The following CSMD1 variants were observed in gnomAD, a reference collection of about 807,000 sequenced individuals.
CSMD1 encodes the protein CUB and Sushi multiple domains 1.
A neutral mutation model predicts 417.5 loss-of-function variants in CSMD1; 213 were observed. That is an observed-to-expected ratio of 0.51 (90% CI 0.46 to 0.57). The LOEUF (loss-of-function observed/expected upper bound fraction) is 0.57. CSMD1 is among the 20% of genes least tolerant of loss of function. The pLI is 0.00. For synonymous variants in CSMD1, 2,862 were observed against 1,736.8 expected, an observed-to-expected ratio of 1.65 and a Z score of -16.11; for missense variants, 6,923 against 4,529.7, an observed-to-expected ratio of 1.53 and a Z score of -15.17.
chr8:3,093,321 C>G (rs1453378347), intron 47 of CSMD1, among the ~76,000 whole-genome samples: 2 of 152,092 alleles, frequency 1.3e-5, no homozygotes, highest in Non-Finnish European at 2.9e-5. Flanking sequence ...AGAGTCCCGC[C>G]CTTCTGACCC....
At chr8:3,385,150 AAT>A (rs1333477236) in intron 18 of CSMD1, among the ~76,000 whole-genome samples, 1 of 136,022 alleles carries the variant, frequency 7.4e-6, no homozygotes, top group East Asian at 2.0e-4. Context: ...ATAATATATA[AAT>A]ATATAATACA....
intron 17 of CSMD1, among the ~76,000 whole-genome samples, chr8:3,391,962 T>C (rs1040442690): frequency 1.3e-5 from 2 of 152,012 alleles, no homozygotes; most frequent in Non-Finnish European, 2.9e-5. Flanking sequence ...TCTTGGGTCA[T>C]GGATGAAGCT....
intron 52 of CSMD1, among the ~76,000 whole-genome samples, chr8:3,000,846 G>A (rs760941944): frequency 2.6e-5 from 4 of 152,174 alleles, no homozygotes; most frequent in East Asian, 1.9e-4. Flanking sequence ...CGCGACAGGC[G>A]TCTTTACTTA....
chr8:4,771,084 T>A (rs1342857127), intron 1 of CSMD1, among the ~76,000 whole-genome samples: 1 of 152,216 alleles, frequency 6.6e-6, no homozygotes, highest in Admixed American at 6.5e-5. Flanking sequence ...ATTCAAGATT[T>A]GTAAATAACT....
chr8:4,005,997 G>C (rs1184296510), intron 4 of CSMD1, among the ~76,000 whole-genome samples: 1 of 152,144 alleles, frequency 6.6e-6, no homozygotes, highest in Non-Finnish European at 1.5e-5. Flanking sequence ...AATGAGCAGA[G>C]AAGGGTTTTC....
At chr8:4,654,611 C>T (rs1804113868) in intron 1 of CSMD1, among the ~76,000 whole-genome samples, 1 of 152,044 alleles carries the variant, frequency 6.6e-6, no homozygotes, top group South Asian at 2.1e-4. Flanking sequence ...GTTCATATGG[C>T]TATAGATATC....
intron 2 of CSMD1, among the ~76,000 whole-genome samples, chr8:4,539,243 G>A (rs1797259559): frequency 1.3e-5 from 2 of 152,182 alleles, no homozygotes; most frequent in South Asian, 4.1e-4. Flanking sequence ...ACTAAATATT[G>A]CATTCAGCTT....
At chr8:3,785,657 G>T (rs564623895) in intron 5 of CSMD1, among the ~76,000 whole-genome samples, 2 of 152,290 alleles carry the variant, frequency 1.3e-5, no homozygotes, top group Admixed American at 6.5e-5. Flanking sequence ...GGAAGAGTTG[G>T]CATCGCCCTG....
At chr8:3,992,713 T>C (rs1814855540) in intron 5 of CSMD1, among the ~76,000 whole-genome samples, 1 of 152,198 alleles carries the variant, frequency 6.6e-6, no homozygotes, top group Admixed American at 6.5e-5. Flanking sequence ...TCCAGGAGTT[T>C]GAGGCTACAG....
intron 1 of CSMD1, among the ~76,000 whole-genome samples, chr8:4,706,984 G>C (rs1054607912): frequency 6.6e-6 from 1 of 152,174 alleles, no homozygotes; most frequent in African/African-American, 2.4e-5. Flanking sequence ...CAGGGACAAA[G>C]TCATGAAGGA....
rs185212703 is a variant in CSMD1, at chr8:3,343,280, C to T, written c.3631+14G>A. The T allele has an allele frequency of 7.5e-6, 12 of 1,608,204 alleles. No individual in the cohort carries two copies. The highest frequency in any genetic ancestry group is 1.1e-5 in the South Asian group (1 of 90,684). On this transcript the variant is annotated intron_variant, in intron 23 of 69. Transcript: ENST00000635120. Reference sequence around the variant, plus strand: ...AAATGAAAAAAGAACGTGATTAAGTCGTATGTTACTTACTGGTATAGGTGA... The same window carrying T: ...AAATGAAAAAAGAACGTGATTAAGTTGTATGTTACTTACTGGTATAGGTGA...
At chr8:4,447,637 AG>A (rs1380258575) in intron 2 of CSMD1, among the ~76,000 whole-genome samples, 2 of 152,176 alleles carry the variant, frequency 1.3e-5, no homozygotes, top group Non-Finnish European at 1.5e-5. Context: ...CAAAGTCGAC[AG>A]GTTTACGGAA....
At chr8:3,230,758 C>T (rs114855795) in intron 26 of CSMD1, among the ~76,000 whole-genome samples, 13 of 152,244 alleles carry the variant, frequency 8.5e-5, no homozygotes, top group African/African-American at 2.4e-4. Flanking sequence ...GACATTGCCA[C>T]GGCAAAATTA....
At chr8:4,156,547 A>C (rs1350479226) in intron 3 of CSMD1, among the ~76,000 whole-genome samples, 1 of 152,058 alleles carries the variant, frequency 6.6e-6, no homozygotes, top group African/African-American at 2.4e-5. Context: ...ACTAAATTCA[A>C]ATTCTAAAAG....
chr8:4,829,007 A>T (rs1270326522), intron 1 of CSMD1, among the ~76,000 whole-genome samples: 1 of 152,144 alleles, frequency 6.6e-6, no homozygotes, highest in Non-Finnish European at 1.5e-5. Flanking sequence ...TGCACTAATT[A>T]TTATTATTAG....
intron 2 of CSMD1, among the ~76,000 whole-genome samples, chr8:4,599,089 T>C (rs1345576185): frequency 6.6e-6 from 1 of 152,200 alleles, no homozygotes; most frequent in Admixed American, 6.5e-5. Flanking sequence ...AAAGACAATG[T>C]TAGGATTAAG....
chr8:3,279,279 A>G (rs2117205789), intron 26 of CSMD1: 1 of 152,310 alleles, frequency 6.6e-6, no homozygotes, highest in African/African-American at 2.4e-5. Flanking sequence ...CCCTCTCTGG[A>G]CTCACCACAC....
chr8:3,422,726 G>A (rs147258694), intron 12 of CSMD1, among the ~76,000 whole-genome samples: 1 of 152,214 alleles, frequency 6.6e-6, no homozygotes, highest in African/African-American at 2.4e-5. Flanking sequence ...CTTGTGCTGC[G>A]ATAACAGAAA....
chr8:4,075,083 C>G (rs1001419717), intron 3 of CSMD1, among the ~76,000 whole-genome samples: 1 of 152,002 alleles, frequency 6.6e-6, no homozygotes, highest in East Asian at 1.9e-4. Context: ...AATATTTCTT[C>G]AGTATTATTA....
Sources: allele counts gnomAD v4.1 joint callset (sites outside exome capture counted in the v4.1 genomes callset), GRCh38; gene constraint gnomAD v4.1.1; transcripts MANE v1.5; gene names NCBI Gene and HGNC (gene_info 2026-07-23, HGNC 2026-07-21).